ALG9: variants seen among roughly 807,000 people sequenced by gnomAD.
The protein encoded by ALG9 is ALG9 alpha-1,2-mannosyltransferase.
ALG9 carries 55 observed loss-of-function variants against 81.8 expected under a neutral mutation model. That is an observed-to-expected ratio of 0.67 (90% CI 0.54 to 0.84). The LOEUF is 0.84. ALG9 is among the 40% of genes least tolerant of loss of function. The pLI is 0.00. For synonymous variants in ALG9, 278 were observed against 274.3 expected (o/e 1.01, Z -0.13); for missense variants, 629 against 745.0 (o/e 0.84, Z 1.81).
chr11:111,839,872 A>G (rs1592201528), intron 10 of ALG9, among the ~76,000 whole-genome samples: 1 of 152,308 alleles, frequency 6.6e-6, no homozygotes, highest in South Asian at 2.1e-4. Context: ...GTTTCCATGT[A>G]TAGGAAATGT....
chr11:111,812,936 A>C (rs1950954574), intron 13 of ALG9, among the ~76,000 whole-genome samples: 1 of 150,152 alleles, frequency 6.7e-6, no homozygotes, highest in African/African-American at 2.4e-5. Flanking sequence ...AAAAAAAAGA[A>C]ATTAATACAG....
chr11:111,828,732 T>C (rs1198969715), intron 13 of ALG9: 4 of 152,216 alleles, frequency 2.6e-5, no homozygotes, highest in African/African-American at 9.7e-5. Context: ...ACAGATCTTC[T>C]TGGTAGGGGT....
downstream of ALG9, among the ~76,000 whole-genome samples, chr11:111,779,803 T>C (rs569585467): frequency 2.0e-5 from 3 of 152,340 alleles, no homozygotes; most frequent in Non-Finnish European, 2.9e-5. Flanking sequence ...TCAGGTAAAA[T>C]GTTATTTAAA....
chr11:111,806,389 C>T (rs1949935736), intron 14 of ALG9, among the ~76,000 whole-genome samples: 1 of 152,166 alleles, frequency 6.6e-6, no homozygotes, highest in African/African-American at 2.4e-5. Flanking sequence ...TTACCAGTTG[C>T]CAATTCTAAT....
At position 111,871,388 on chromosome 11, in the gene ALG9, C is replaced by G; in HGVS notation, c.95G>C (p.Gly32Ala). 1 of 1,534,178 alleles carries G rather than the reference C, an allele frequency of 6.5e-7. No homozygotes were observed. The highest frequency in any genetic ancestry group is 8.7e-7 in the Non-Finnish European group (1 of 1,146,086). ...PAADKLRELLGSREAGGAEHR... is the reference protein window; with the variant it reads ...PAADKLRELLASREAGGAEHR... ...CTCCGCGCCGCCCGCCTCTCGGCTGCCCAGCAGCTCCCGCAGCTTGTCCGC... is the reference window on the plus strand; with the variant it reads ...CTCCGCGCCGCCCGCCTCTCGGCTGGCCAGCAGCTCCCGCAGCTTGTCCGC... Residue 32 changes from glycine to alanine, a missense_variant, in exon 1 of 15, where the codon GGC becomes GCC. By Grantham distance (60) the Gly-to-Ala change is moderately conservative. Around this residue, in one of 3 missense-constraint regions of ALG9, gnomAD observed 344 missense variants for 390.5 expected, o/e 0.88. Transcript: ENST00000616540.
At chr11:111,826,066 C>CAATAATAATAAT (rs4026118) in intron 13 of ALG9, among the ~76,000 whole-genome samples, 31,957 of 132,310 alleles carry the variant, frequency 0.24, 4,397 homozygotes, top group East Asian at 0.51. Flanking sequence ...AACTCCGTCT[C>CAATAATAATAAT]AATAATAATA....
At chr11:111,844,519 G>C in intron 9 of ALG9, 82 bp downstream of exon 9, 2 of 1,579,636 alleles carry the variant, frequency 1.3e-6, no homozygotes, top group Non-Finnish European at 1.7e-6. Flanking sequence ...AATAAAGTAA[G>C]TAGGATTTTC....
intron 10 of ALG9, 98 bp from the exon 11 acceptor site, chr11:111,838,497 G>C (rs1955699113): frequency 8.9e-7 from 1 of 1,127,458 alleles, no homozygotes; most frequent in South Asian, 1.5e-5. Flanking sequence ...TTAGGGATCT[G>C]AGCATTTGCC....
chr11:111,827,974 C>T (rs113711919), intron 13 of ALG9, among the ~76,000 whole-genome samples: 2 of 150,836 alleles, frequency 1.3e-5, no homozygotes, highest in South Asian at 2.1e-4. Flanking sequence ...GATTGCCTGA[C>T]GTCAGGCGTT....
chr11:111,828,841 T>TA (rs1482118198), intron 13 of ALG9: 1 of 152,206 alleles, frequency 6.6e-6, no homozygotes, highest in East Asian at 1.9e-4. Context: ...CAAAATCACT[T>TA]ACAGTCCTCC....
At chr11:111,803,648 T>C (rs988413555) in intron 14 of ALG9, among the ~76,000 whole-genome samples, 7 of 151,652 alleles carry the variant, frequency 4.6e-5, no homozygotes, top group African/African-American at 1.7e-4. Flanking sequence ...AGCCCAGAAA[T>C]AGATCCACAT....
At chr11:111,819,706 T>C (rs1330746892) in intron 13 of ALG9, among the ~76,000 whole-genome samples, 1 of 152,260 alleles carries the variant, frequency 6.6e-6, no homozygotes, top group Non-Finnish European at 1.5e-5. Flanking sequence ...TAATAAATTC[T>C]GATTCATCAC....
intron 5 of ALG9, among the ~76,000 whole-genome samples, chr11:111,859,826 T>C (rs1365629062): frequency 6.6e-6 from 1 of 152,070 alleles, no homozygotes; most frequent in African/African-American, 2.4e-5. Flanking sequence ...ACTCTGTATA[T>C]ACTAGATCCT....
intron 3 of ALG9, 55 bp downstream of exon 3, chr11:111,868,547 C>T: frequency 6.3e-7 from 1 of 1,588,716 alleles, no homozygotes; most frequent in Non-Finnish European, 8.6e-7. Flanking sequence ...CAAAACTATA[C>T]CAGAGACTCA....
intron 13 of ALG9, among the ~76,000 whole-genome samples, chr11:111,814,089 T>G (rs1463572391): frequency 1.3e-5 from 2 of 152,212 alleles, no homozygotes; most frequent in Non-Finnish European, 1.5e-5. Flanking sequence ...CAAAGTGGTG[T>G]TATCTGTAGT....
At chr11:111,768,827 T>TTGTGTGTG in the ALG9 span, 8 of 97,358 alleles carry the variant, frequency 8.2e-5, no homozygotes, top group African/African-American at 3.3e-4. Flanking sequence ...ACATCCAGCT[T>TTGTGTGTG]CGTGTGTGTG....
chr11:111,858,315 C>A (rs782239570), intron 5 of ALG9, among the ~76,000 whole-genome samples: 11 of 152,126 alleles, frequency 7.2e-5, no homozygotes, highest in Non-Finnish European at 1.5e-4. Context: ...CACCTCAAAT[C>A]AAAAACTCAT....
At chr11:111,856,898 G>A (rs917369064) in intron 6 of ALG9, among the ~76,000 whole-genome samples, 6 of 152,044 alleles carry the variant, frequency 3.9e-5, no homozygotes, top group Non-Finnish European at 8.8e-5. Flanking sequence ...CCTGAGGTCG[G>A]GAGTTCAAGA....
Position 111,782,541 on chromosome 11 carries a change from T to G in ALG9, c.*3856A>C, listed in dbSNP as rs138637213. On this transcript the variant is annotated 3_prime_UTR_variant, in exon 15 of 15. Coordinates refer to ENST00000616540, the MANE Select transcript of ALG9 (RefSeq NM_024740.2). ...TTAATGTAGGAGCATAAGAATGCAC[T>G]GATTAACACGTGAGCTTTAATATGC... 5 of 152,810 alleles carry G rather than the reference T, an allele frequency of 3.3e-5. No individual in the cohort carries two copies. Among genetic ancestry groups the G allele is most frequent in the Admixed American group, 1.3e-4 (2 of 15,294 alleles). The allele number at this position is 152,810 out of a possible 1,614,324, so 9.5% of individuals were successfully genotyped here.
Sources: gnomAD v4.1 joint callset for allele counts (sites outside exome capture counted in the v4.1 genomes callset) on GRCh38, gnomAD v4.1.1 for gene constraint, gnomAD v4.1.1 regional missense constraint, MANE v1.5 for transcripts, NCBI Gene and HGNC (gene_info 2026-07-23, HGNC 2026-07-21) for gene names.